Variants in NEK7 observed in about 807,000 individuals in gnomAD.
The protein encoded by NEK7 is NIMA related kinase 7, also known as serine/threonine-protein kinase Nek7.
NEK7 carries 18 observed loss-of-function variants against 44.6 expected under a neutral mutation model. The observed-to-expected ratio is 0.40, with a 90% confidence interval of 0.28 to 0.60. The LOEUF is 0.60. NEK7 is among the 20% of genes least tolerant of loss of function. The probability of loss-of-function intolerance (pLI) is 0.38; values close to 1 mark genes in which losing one functional copy is unlikely to be tolerated. For synonymous variants in NEK7, 130 were observed against 121.1 expected (o/e 1.07, Z -0.48); for missense variants, 256 against 366.5 (o/e 0.70, Z 2.46).
chr1:198,214,921 G>A (rs886136676), intron 1 of NEK7, among the ~76,000 whole-genome samples: 14 of 152,004 alleles, frequency 9.2e-5, no homozygotes, highest in Non-Finnish European at 1.8e-4. Flanking sequence ...TTCTAATAAT[G>A]GTAAGACAAA....
chr1:198,162,734 C>T (rs1664146174), intron 1 of NEK7, among the ~76,000 whole-genome samples: 1 of 152,026 alleles, frequency 6.6e-6, no homozygotes, highest in South Asian at 2.1e-4. Flanking sequence ...TTGAATTCTC[C>T]TTTTCCTTTG....
chr1:198,267,274 C>CTCATTCAT (rs61574788), intron 5 of NEK7, among the ~76,000 whole-genome samples: 140 of 151,468 alleles, frequency 9.2e-4, no homozygotes, highest in South Asian at 4.4e-3. Flanking sequence ...ACACCTGTTC[C>CTCATTCAT]TCATTCATTC....
At chr1:198,196,414 A>T (rs1665238446) in intron 1 of NEK7, among the ~76,000 whole-genome samples, 1 of 152,214 alleles carries the variant, frequency 6.6e-6, no homozygotes, top group Non-Finnish European at 1.5e-5. Context: ...ACCCAGTTTG[A>T]TGCTTTGTCG....
chr1:198,210,281 T>G (rs1430784823), intron 1 of NEK7, among the ~76,000 whole-genome samples: 1 of 152,170 alleles, frequency 6.6e-6, no homozygotes, highest in African/African-American at 2.4e-5. Flanking sequence ...TGATGGGGTC[T>G]TGCTATGTTG....
intron 3 of NEK7, among the ~76,000 whole-genome samples, 186 bp downstream of exon 3, chr1:198,253,366 A>G (rs956056494): frequency 1.3e-5 from 2 of 152,126 alleles, no homozygotes; most frequent in South Asian, 2.1e-4. Context: ...TTTTAACACT[A>G]TTTCTAGGCT....
chr1:198,159,123 A>G (rs1393617466), intron 1 of NEK7, among the ~76,000 whole-genome samples: 1 of 152,172 alleles, frequency 6.6e-6, no homozygotes, highest in Non-Finnish European at 1.5e-5. Context: ...GGGTGCCGGG[A>G]GGCTCCGCCC....
chr1:198,245,226 T>C (rs1666803307), intron 2 of NEK7: 1 of 169,306 alleles, frequency 5.9e-6, no homozygotes, highest in African/African-American at 2.4e-5. Context: ...TTTCTTGCTG[T>C]CTCATGGAAG....
chr1:198,204,832 A>T (rs531404499), intron 1 of NEK7, among the ~76,000 whole-genome samples: 1 of 152,284 alleles, frequency 6.6e-6, no homozygotes, highest in African/African-American at 2.4e-5. Context: ...TAGATTTGTA[A>T]CTAATGTGTG....
intron 1 of NEK7, among the ~76,000 whole-genome samples, chr1:198,194,376 A>T (rs1265382192): frequency 6.7e-6 from 1 of 149,226 alleles, no homozygotes; most frequent in East Asian, 2.0e-4. Context: ...TTTGTTGTAT[A>T]CATTATTTTG....
intron 1 of NEK7, among the ~76,000 whole-genome samples, chr1:198,157,665 C>G (rs922423113): frequency 6.6e-6 from 1 of 152,234 alleles, no homozygotes; most frequent in Non-Finnish European, 1.5e-5. Context: ...GGTTATTTAT[C>G]TCTCGCGGAT....
At chr1:198,193,107 C>T (rs1308814954) in intron 1 of NEK7, among the ~76,000 whole-genome samples, 1 of 150,956 alleles carries the variant, frequency 6.6e-6, no homozygotes, top group East Asian at 2.0e-4. Context: ...TAGACACAAT[C>T]AGAAATAATA....
At chr1:198,269,971 G>A (rs1031948943) in intron 5 of NEK7, among the ~76,000 whole-genome samples, 2 of 151,984 alleles carry the variant, frequency 1.3e-5, no homozygotes, top group Non-Finnish European at 2.9e-5. Context: ...ATTGTGCTGT[G>A]TATGCCATAT....
intron 5 of NEK7, among the ~76,000 whole-genome samples, chr1:198,273,299 C>T (rs1399279255): frequency 6.6e-6 from 1 of 151,690 alleles, no homozygotes; most frequent in Admixed American, 6.6e-5. Context: ...AATACTTATG[C>T]ACTGTAAATT....
chr1:198,226,359 A>G (rs1318862571), intron 1 of NEK7, among the ~76,000 whole-genome samples: 1 of 152,066 alleles, frequency 6.6e-6, no homozygotes, highest in Non-Finnish European at 1.5e-5. Context: ...AGCCTGACCA[A>G]CATGGTAAAA....
intron 1 of NEK7, among the ~76,000 whole-genome samples, chr1:198,177,221 A>G (rs758567315): frequency 7.2e-5 from 11 of 152,202 alleles, no homozygotes; most frequent in Non-Finnish European, 1.5e-4. Flanking sequence ...TATATTAAGT[A>G]GTAGTAGGTA....
At chr1:198,243,899 G>C (rs1265699007) in intron 2 of NEK7, among the ~76,000 whole-genome samples, 1 of 149,808 alleles carries the variant, frequency 6.7e-6, no homozygotes, top group African/African-American at 2.5e-5. Flanking sequence ...GTGTTTTTTT[G>C]TTTATTTGCC....
At chr1:198,261,721 C>G (rs964439886) in intron 3 of NEK7, among the ~76,000 whole-genome samples, 1 of 151,762 alleles carries the variant, frequency 6.6e-6, no homozygotes. Context: ...CACTTAGAAC[C>G]TTGAGAGATT....
intron 1 of NEK7, among the ~76,000 whole-genome samples, chr1:198,157,663 A>G (rs892008294): frequency 3.9e-5 from 6 of 152,132 alleles, no homozygotes; most frequent in African/African-American, 1.4e-4. Context: ...TCGGTTATTT[A>G]TCTCTCGCGG....
At chr1:198,307,998 G>T (rs1284313146) in intron 9 of NEK7, among the ~76,000 whole-genome samples, 2 of 152,122 alleles carry the variant, frequency 1.3e-5, no homozygotes, top group East Asian at 3.9e-4. Flanking sequence ...TCCAACTCAA[G>T]TTCCACCTTT....
Sources: allele counts gnomAD v4.1 joint callset (sites outside exome capture counted in the v4.1 genomes callset), GRCh38; gene constraint gnomAD v4.1.1; transcripts MANE v1.5; gene names NCBI Gene and HGNC (gene_info 2026-07-23, HGNC 2026-07-21).